COL26A1: variants seen among roughly 807,000 people sequenced by gnomAD.
The protein encoded by COL26A1 is collagen type XXVI alpha 1 chain.
Under a neutral mutation model 59.3 loss-of-function variants are expected in COL26A1, and 41 were observed. The ratio of observed to expected loss-of-function variants is 0.69; its 90% CI spans 0.54 to 0.90. The LOEUF (loss-of-function observed/expected upper bound fraction) is 0.90, where lower values mean the gene tolerates loss of function less well. Among genes scored for constraint, COL26A1 ranks in the 40% least tolerant of loss-of-function variants. The pLI, the probability that COL26A1 is intolerant of heterozygous loss-of-function variation, is 0.00. For missense variants in COL26A1, 612 were observed against 602.3 expected (o/e 1.02, Z -0.17); for synonymous variants, 266 against 256.0 (o/e 1.04, Z -0.37).
At chr7:101,544,158 C>G in intron 6 of COL26A1, 62 bp downstream of exon 6, 1 of 1,324,922 alleles carries the variant, frequency 7.5e-7, no homozygotes, top group Non-Finnish European at 1.1e-6. Context: ...GCTTTCTTCT[C>G]TACTGGAACA....
intron 3 of COL26A1, among the ~76,000 whole-genome samples, chr7:101,449,829 A>AAGAT (rs1255042616): frequency 6.6e-6 from 1 of 152,068 alleles, no homozygotes; most frequent in Non-Finnish European, 1.5e-5. Context: ...TTACAGCAAA[A>AAGAT]AGATACAGAT....
chr7:101,530,950 T>C (rs1584490412), intron 3 of COL26A1, among the ~76,000 whole-genome samples: 1 of 151,474 alleles, frequency 6.6e-6, no homozygotes, highest in East Asian at 1.9e-4. Context: ...TTTTATTTCT[T>C]GTTTTTTTTT....
At chr7:101,492,771 G>C (rs969538178) in intron 3 of COL26A1, among the ~76,000 whole-genome samples, 2 of 151,750 alleles carry the variant, frequency 1.3e-5, no homozygotes, top group Admixed American at 1.3e-4. Flanking sequence ...ATGGGGTCTT[G>C]TTCTGTTGCC....
chr7:101,471,947 T>C, intron 3 of COL26A1, among the ~76,000 whole-genome samples: 1 of 148,018 alleles, frequency 6.8e-6, no homozygotes, highest in East Asian at 2.2e-4. Flanking sequence ...TTAGTATTGC[T>C]ATTCTCTTGT....
At chr7:101,415,707 T>C (rs1306214773) in intron 1 of COL26A1, among the ~76,000 whole-genome samples, 1 of 151,954 alleles carries the variant, frequency 6.6e-6, no homozygotes, top group Non-Finnish European at 1.5e-5. Context: ...CATAGCTCTC[T>C]CCAGCCTTGA....
At chr7:101,503,184 G>A (rs990907269) in intron 3 of COL26A1, among the ~76,000 whole-genome samples, 1 of 152,210 alleles carries the variant, frequency 6.6e-6, no homozygotes. Context: ...GGCAAGGTCT[G>A]TGGGGTCCCC....
chr7:101,376,069 G>A (rs1460809041), intron 1 of COL26A1, among the ~76,000 whole-genome samples: 3 of 151,578 alleles, frequency 2.0e-5, no homozygotes, highest in Non-Finnish European at 4.4e-5. Flanking sequence ...AGGAGGCTGA[G>A]GTGGGAGGAT....
At chr7:101,396,624 G>C (rs1400426414) in intron 1 of COL26A1, among the ~76,000 whole-genome samples, 2 of 152,044 alleles carry the variant, frequency 1.3e-5, no homozygotes, top group Non-Finnish European at 2.9e-5. Context: ...CATCATGCCT[G>C]GCTAATTTTT....
intron 3 of COL26A1, among the ~76,000 whole-genome samples, chr7:101,496,963 C>T (rs1259892556): frequency 2.4e-4 from 36 of 152,012 alleles, no homozygotes; most frequent in Admixed American, 2.4e-3. Flanking sequence ...AAAGTCCAGG[C>T]CCAATGGCTC....
intron 4 of COL26A1, among the ~76,000 whole-genome samples, chr7:101,535,956 C>T (rs963569933): frequency 6.6e-6 from 1 of 152,134 alleles, no homozygotes; most frequent in African/African-American, 2.4e-5. Context: ...TTAGCTCCCC[C>T]GTCTTGTCTG....
At chr7:101,494,419 G>A (rs912951548) in intron 3 of COL26A1, among the ~76,000 whole-genome samples, 62 of 152,292 alleles carry the variant, frequency 4.1e-4, no homozygotes, top group African/African-American at 1.4e-3. Flanking sequence ...GAGCCACTGC[G>A]CCTGGCTGTC....
intron 3 of COL26A1, among the ~76,000 whole-genome samples, chr7:101,458,969 T>C (rs1584425261): frequency 6.6e-6 from 1 of 152,226 alleles, no homozygotes; most frequent in African/African-American, 2.4e-5. Context: ...GCCTGGCTAA[T>C]TTTTTAATTT....
chr7:101,398,401 G>A (rs1037963083), intron 1 of COL26A1, among the ~76,000 whole-genome samples: 6 of 152,170 alleles, frequency 3.9e-5, no homozygotes, highest in South Asian at 2.1e-4. Context: ...CTCTCCCTCC[G>A]CCCATAAAGG....
intron 2 of COL26A1, among the ~76,000 whole-genome samples, chr7:101,425,001 C>A (rs1421759126): frequency 6.6e-6 from 1 of 152,114 alleles, no homozygotes; most frequent in African/African-American, 2.4e-5. Flanking sequence ...TAGCTCACTG[C>A]AGCCTTGAAC....
rs144140339 is a variant in COL26A1 at position 101,386,864 on chromosome 7, G to C, written c.158+23674G>C. Reference sequence around the variant, plus strand: ...AAAGCTCAATATTCTGTACTGGAAGGGGGTGGTAGCATTGCAAGTTGTCTG... The same window carrying C: ...AAAGCTCAATATTCTGTACTGGAAGCGGGTGGTAGCATTGCAAGTTGTCTG... On this transcript the variant is annotated intron_variant, in intron 1 of 12. Transcript: ENST00000313669. Among the ~76,000 whole-genome samples, 113 of 152,250 alleles carry C rather than the reference G, an allele frequency of 7.4e-4. 1 individual carries two copies. The highest frequency in any genetic ancestry group is 1.9e-3 in the African/African-American group (77 of 41,548).
At chr7:101,540,070 G>A in intron 5 of COL26A1, 21 bp downstream of exon 5, 2 of 1,603,402 alleles carry the variant, frequency 1.2e-6, no homozygotes, top group Non-Finnish European at 1.7e-6. Context: ...GCTGCAGAGA[G>A]GACAGGCTGG....
intron 3 of COL26A1, among the ~76,000 whole-genome samples, chr7:101,473,639 C>G (rs140686557): frequency 3.1e-5 from 4 of 128,994 alleles, no homozygotes; most frequent in Non-Finnish European, 6.5e-5. Context: ...CACACACACA[C>G]ACACACACAC....
At chr7:101,512,237 A>G (rs904598255) in intron 3 of COL26A1, among the ~76,000 whole-genome samples, 10 of 152,116 alleles carry the variant, frequency 6.6e-5, no homozygotes, top group African/African-American at 2.4e-4. Context: ...TGCAAGAGGC[A>G]ACTCAGGAAA....
chr7:101,365,223 A>C (rs73173731), intron 1 of COL26A1, among the ~76,000 whole-genome samples: 5,777 of 152,316 alleles, frequency 0.038, 134 homozygotes, highest in Non-Finnish European at 0.059. Flanking sequence ...CTAAAAAACA[A>C]GCTTTTCAAG....
Sources: allele counts gnomAD v4.1 joint callset (sites outside exome capture counted in the v4.1 genomes callset), GRCh38; gene constraint gnomAD v4.1.1; transcripts MANE v1.5; gene names NCBI Gene and HGNC (gene_info 2026-07-23, HGNC 2026-07-21).